The following PCDHA10 variants were observed in gnomAD, a reference collection of about 807,000 sequenced individuals.
PCDHA10 encodes protocadherin alpha-10.
A neutral mutation model predicts 61.2 loss-of-function variants in PCDHA10; 45 were observed. That is an observed-to-expected ratio of 0.74 (90% CI 0.58 to 0.94). The LOEUF (loss-of-function observed/expected upper bound fraction) is 0.94. Among genes scored for constraint, PCDHA10 ranks in the 40% least tolerant of loss-of-function variants. PCDHA10 has a pLI of 0.00. For missense variants in PCDHA10, 1,278 were observed against 1,236.2 expected (o/e 1.03, Z -0.51); for synonymous variants, 602 against 548.8 (o/e 1.10, Z -1.35).
At chr5:140,911,987 G>A (rs1554195079) in intron 1 of PCDHA10, among the ~76,000 whole-genome samples, 1 of 152,086 alleles carries the variant, frequency 6.6e-6, no homozygotes, top group Admixed American at 6.6e-5. Context: ...TGATCACAAG[G>A]TCCCACAATA....
intron 1 of PCDHA10, among the ~76,000 whole-genome samples, chr5:140,892,977 G>A (rs188368199): frequency 1.8e-4 from 27 of 152,270 alleles, no homozygotes; most frequent in Admixed American, 6.5e-4. Flanking sequence ...TTTTGTAGCT[G>A]CCGTATAAGT....
chr5:140,884,247 CG>C (rs1220799816), intron 1 of PCDHA10: 1 of 1,613,280 alleles, frequency 6.2e-7, no homozygotes, highest in Non-Finnish European at 8.5e-7. Flanking sequence ...CCCGCGCTGA[CG>C]GCCACGGCAA....
intron 1 of PCDHA10, among the ~76,000 whole-genome samples, chr5:140,886,844 A>C (rs11748231): frequency 2.0e-5 from 3 of 150,634 alleles, no homozygotes; most frequent in African/African-American, 7.3e-5. Flanking sequence ...AAAAAAAAAA[A>C]AAAGAAAGGT....
chr5:140,997,559 T>C (rs550494855), intron 3 of PCDHA10, among the ~76,000 whole-genome samples: 9 of 152,148 alleles, frequency 5.9e-5, no homozygotes, highest in Non-Finnish European at 1.3e-4. Context: ...ACAGGACAAC[T>C]GTCATATGTG....
At chr5:140,989,153 A>C (rs1409258920) in intron 3 of PCDHA10, among the ~76,000 whole-genome samples, 2 of 152,186 alleles carry the variant, frequency 1.3e-5, no homozygotes, top group Non-Finnish European at 2.9e-5. Flanking sequence ...CTTTTGTTTA[A>C]GAGTGTTGCA....
chr5:140,986,656 C>T (rs141575317), intron 3 of PCDHA10, among the ~76,000 whole-genome samples: 2 of 152,290 alleles, frequency 1.3e-5, no homozygotes, highest in East Asian at 1.9e-4. Context: ...GTGGGAGATG[C>T]TCACAGTTTT....
chr5:140,973,574 C>T (rs1485415780), intron 1 of PCDHA10, among the ~76,000 whole-genome samples: 1 of 152,218 alleles, frequency 6.6e-6, no homozygotes, highest in African/African-American at 2.4e-5. Flanking sequence ...AATTTTTCTA[C>T]AGACTGCTGA....
chr5:140,881,669 T>C (rs1030695213), intron 1 of PCDHA10, among the ~76,000 whole-genome samples: 17 of 152,248 alleles, frequency 1.1e-4, no homozygotes, highest in African/African-American at 4.1e-4. Context: ...TTTATTCTTA[T>C]GTGATTGTTA....
At chr5:140,978,420 G>A (rs1489182751) in intron 1 of PCDHA10, among the ~76,000 whole-genome samples, 3 of 152,220 alleles carry the variant, frequency 2.0e-5, no homozygotes, top group African/African-American at 7.2e-5. Flanking sequence ...AAAAGAGACT[G>A]TTATCAGTTG....
rs561153933 is a variant in PCDHA10, at chr5:140,927,279, G to A, written c.2389-51670G>A. Reference sequence around the variant, plus strand: ...CACCTCTCTTTCCTGCCGGCGACGTGCAGCTGCACATCCCCGAGTTCCTGA... The same window carrying A: ...CACCTCTCTTTCCTGCCGGCGACGTACAGCTGCACATCCCCGAGTTCCTGA... On this transcript the variant is annotated intron_variant, in intron 1 of 3. Transcript: ENST00000307360. 14 of 1,614,136 alleles carry A rather than the reference G, an allele frequency of 8.7e-6. 1 individual carries two copies. The South Asian group carries it at 1.4e-4, about 16-fold the overall frequency.
rs563512273 is a variant in PCDHA10 at position 140,921,751 on chromosome 5, A to G, written c.2389-57198A>G. Among the ~76,000 whole-genome samples, 11 of 152,290 alleles carry G rather than the reference A, an allele frequency of 7.2e-5. No homozygotes were observed. The East Asian group carries it at 7.7e-4, about 11-fold the overall frequency. On this transcript the variant is annotated intron_variant, in intron 1 of 3. Coordinates refer to ENST00000307360, the MANE Select transcript of PCDHA10 (RefSeq NM_018901.4). ...ATAAAAATTATAAGCATAACAGGAC[A>G]CTTCTTGGCTACTATTCAATACTGA...
intron 1 of PCDHA10, among the ~76,000 whole-genome samples, chr5:140,903,607 A>G (rs938837767): frequency 6.6e-6 from 1 of 152,254 alleles, no homozygotes; most frequent in Non-Finnish European, 1.5e-5. Context: ...TGCTTAATAC[A>G]CATGAATGTG....
In PCDHA10 at chr5:140,877,407, C is replaced by G. The variant is rs1554169686; in HGVS notation, c.2388+18971C>G. The G allele has an allele frequency of 1.2e-6, 2 of 1,613,824 alleles. No individual in the cohort carries two copies. The highest frequency in any genetic ancestry group is 2.7e-5 in the African/African-American group (2 of 74,928). On this transcript the variant is annotated intron_variant, in intron 1 of 3. Coordinates refer to ENST00000307360, the MANE Select transcript of PCDHA10 (RefSeq NM_018901.4). ...TGGATGAGGCGGACGCTCCGCGCCA[C>G]CGCCTGCTGGTGCTGGTGAAGGACC...
intron 1 of PCDHA10, chr5:140,883,983 G>A (rs2059929181): frequency 6.2e-7 from 1 of 1,612,892 alleles, no homozygotes; most frequent in East Asian, 2.2e-5. Flanking sequence ...GGGGCTGGCA[G>A]CGCGGGAGGC....
intron 1 of PCDHA10, chr5:140,882,507 A>G: frequency 6.2e-7 from 1 of 1,614,182 alleles, no homozygotes; most frequent in Non-Finnish European, 8.5e-7. Flanking sequence ...GTAAATCTGC[A>G]GAATGGCATT....
chr5:140,937,795 C>T (rs1472022589), intron 1 of PCDHA10, among the ~76,000 whole-genome samples: 1 of 151,670 alleles, frequency 6.6e-6, no homozygotes, highest in Non-Finnish European at 1.5e-5. Context: ...GTATGTAGTC[C>T]CAGCTACTCG....
chr5:140,877,818 T>C (rs1207543793), intron 1 of PCDHA10: 1 of 1,608,890 alleles, frequency 6.2e-7, no homozygotes, highest in Non-Finnish European at 8.5e-7. Flanking sequence ...CTCGAGAAGA[T>C]TGTTTAAATC....
intron 1 of PCDHA10, chr5:140,966,733 C>T: frequency 7.1e-7 from 1 of 1,416,484 alleles, no homozygotes; most frequent in Non-Finnish European, 9.2e-7. Context: ...CCGCCTCCGG[C>T]CCTGCCCGGC....
chr5:140,857,483 T>C lies in PCDHA10; in HGVS notation c.1435T>C (p.Trp479Arg), dbSNP rs781790244. 2.8e-5 allele frequency: 44 copies of C among 1,598,450 alleles called. 2 individuals carry two copies. Among genetic ancestry groups the C allele is most frequent in the Non-Finnish European group, 3.2e-5 (37 of 1,167,868 alleles). Residue 479 changes from tryptophan to arginine, a missense_variant, in exon 1 of 4, where the codon TGG (tryptophan) becomes CGG (arginine). By Grantham distance (101) the Trp-to-Arg change is moderately radical. Transcript: ENST00000307360. ...CTGCCACATCTTCACGGTGTCTGCG[T>C]GGGACGCGGACGCGCAGGAGAACGC... ...PGCHIFTVSA[W>R]DADAQENALV...
Sources: gnomAD v4.1 joint callset for allele counts (sites outside exome capture counted in the v4.1 genomes callset) on GRCh38, gnomAD v4.1.1 for gene constraint, MANE v1.5 for transcripts, NCBI Gene and HGNC (gene_info 2026-07-23, HGNC 2026-07-21) for gene names.